The following KLHL29 variants were observed in gnomAD, a reference collection of about 807,000 sequenced individuals.
The protein encoded by KLHL29 is kelch like family member 29.
Under a neutral mutation model 80.4 loss-of-function variants are expected in KLHL29, and 21 were observed. The observed-to-expected ratio is 0.26, with a 90% CI of 0.19 to 0.38. KLHL29 has a LOEUF of 0.38. Ranked by LOEUF, KLHL29 falls within the 10% of genes least tolerant of loss-of-function variation. KLHL29 has a pLI of 1.00. For missense variants in KLHL29, 867 were observed against 1,223.9 expected (o/e 0.71, Z 4.35); for synonymous variants, 511 against 526.8 (o/e 0.97, Z 0.41).
intron 3 of KLHL29, among the ~76,000 whole-genome samples, chr2:23,576,304 C>CAAA (rs3086869): frequency 3.8e-5 from 5 of 131,500 alleles, no homozygotes; most frequent in African/African-American, 1.5e-4. Flanking sequence ...GACTCTATCT[C>CAAA]AAAAAAAAAA....
At chr2:23,432,067 A>C (rs1181200772) in intron 1 of KLHL29, among the ~76,000 whole-genome samples, 1 of 152,184 alleles carries the variant, frequency 6.6e-6, no homozygotes, top group Non-Finnish European at 1.5e-5. Flanking sequence ...CATTTCTCGA[A>C]GTTTCCTCAA....
Position 23,684,803 on chromosome 2 carries a change from C to A in KLHL29, c.1079+266C>A, listed in dbSNP as rs747114637. On this transcript the variant is annotated intron_variant, in intron 6 of 13. Transcript: ENST00000486442. The surrounding 1 kb of genome is among the most constrained non-coding windows in gnomAD (Gnocchi z 4.4). The stretch of plus-strand genomic sequence containing the variant: ...ACCAGGGGCCTCTGCCAGCAGTAGA[C>A]AACACCGTGCCCCACCCCTGAGATC... Among the ~76,000 whole-genome samples, 6 of 152,132 alleles carry A rather than the reference C, an allele frequency of 3.9e-5. 1 individual carries two copies. The highest frequency in any genetic ancestry group is 7.4e-5 in the Non-Finnish European group (5 of 67,992).
At chr2:23,426,487 T>C (rs1022955819) in intron 1 of KLHL29, among the ~76,000 whole-genome samples, 2 of 152,174 alleles carry the variant, frequency 1.3e-5, no homozygotes, top group Non-Finnish European at 2.9e-5. Flanking sequence ...TTTCTGCCCC[T>C]CGGGGTCTCC....
intron 1 of KLHL29, among the ~76,000 whole-genome samples, chr2:23,388,251 C>A (rs1161666249): frequency 6.6e-6 from 1 of 152,176 alleles, no homozygotes; most frequent in African/African-American, 2.4e-5. Context: ...GAAACAAAGA[C>A]TAGTAGAGCC....
At chr2:23,411,937 T>G (rs1195513783) in intron 1 of KLHL29, among the ~76,000 whole-genome samples, 1 of 152,198 alleles carries the variant, frequency 6.6e-6, no homozygotes, top group Admixed American at 6.5e-5. Context: ...GAATGACTTT[T>G]AGTTCCTTTG....
chr2:23,706,966 G>A lies in KLHL29; in HGVS notation c.*302G>A. On this transcript the variant is annotated 3_prime_UTR_variant, in exon 14 of 14. Coordinates refer to ENST00000486442, the MANE Select transcript of KLHL29 (RefSeq NM_052920.2). ...AGTTTCACGTATTTTTCAACTGGGA[G>A]AGAGAAGCTGTTTTTTCCTTCCTGC... 3.8e-6 allele frequency: 1 copy of A among 264,386 alleles called. No homozygotes were observed. The highest frequency in any genetic ancestry group is 1.1e-4 in the South Asian group (1 of 9,044). The allele number at this position is 264,386 out of a possible 1,614,324, so 16.4% of individuals were successfully genotyped here. A position where few individuals can be genotyped will look rare whatever the true frequency, so the allele number is the denominator to read the frequency against.
rs563768479 is a variant in KLHL29, at chr2:23,445,161, C to T, written c.-153-30399C>T. Among the ~76,000 whole-genome samples, 102 of 152,248 alleles carry T rather than the reference C, an allele frequency of 6.7e-4. 1 individual carries two copies. The highest frequency in any genetic ancestry group is 2.2e-3 in the African/African-American group (91 of 41,542). On this transcript the variant is annotated intron_variant, in intron 1 of 13. Transcript: ENST00000486442. Reference sequence around the variant, plus strand: ...CCTTAACAAGGGCATTAAGTGAAGACTTTATATATGTGGTTTAAAAGTCAA... The same window carrying T: ...CCTTAACAAGGGCATTAAGTGAAGATTTTATATATGTGGTTTAAAAGTCAA...
chr2:23,419,017 A>G (rs1322790874), intron 1 of KLHL29, among the ~76,000 whole-genome samples: 1 of 152,148 alleles, frequency 6.6e-6, no homozygotes, highest in Admixed American at 6.5e-5. Flanking sequence ...AGGATTCATT[A>G]CTGCCTCCAA....
In KLHL29 at chr2:23,545,111, G is replaced by A. The variant is rs541624798; in HGVS notation, c.-45-17041G>A. 1.3e-4 allele frequency among the ~76,000 whole-genome samples: 20 copies of A among 152,236 alleles called. No homozygotes were observed. In the South Asian group the frequency reaches 3.7e-3, roughly 28 times the overall value. ...GACAGAGGCCCAGGCCAGGGTGGACGTGGGAAGAAGTGGTTGGTGTTAGGA... is the reference window on the plus strand; with the variant it reads ...GACAGAGGCCCAGGCCAGGGTGGACATGGGAAGAAGTGGTTGGTGTTAGGA... On this transcript the variant is annotated intron_variant, in intron 2 of 13. Coordinates refer to ENST00000486442, the MANE Select transcript of KLHL29 (RefSeq NM_052920.2).
intron 5 of KLHL29, among the ~76,000 whole-genome samples, chr2:23,675,593 C>T (rs1390262638): frequency 1.3e-5 from 2 of 152,202 alleles, no homozygotes; most frequent in Non-Finnish European, 2.9e-5. Flanking sequence ...CTCAAGGGCT[C>T]CAGGCTGCAC....
At chr2:23,702,571 C>T (rs1384446495) in intron 11 of KLHL29, among the ~76,000 whole-genome samples, 1 of 152,202 alleles carries the variant, frequency 6.6e-6, no homozygotes, top group African/African-American at 2.4e-5. Flanking sequence ...TCCCATCCAC[C>T]TAGCTAGTAG....
chr2:23,665,651 A>AG (rs1670533948), intron 5 of KLHL29, among the ~76,000 whole-genome samples: 1 of 152,196 alleles, frequency 6.6e-6, no homozygotes, highest in East Asian at 1.9e-4. Context: ...GCTTCTTTGG[A>AG]GGCCTCAGGC....
intron 2 of KLHL29, among the ~76,000 whole-genome samples, chr2:23,528,307 G>T (rs903692263): frequency 1.3e-5 from 2 of 152,160 alleles, no homozygotes; most frequent in African/African-American, 2.4e-5. Flanking sequence ...GCCCTGGGCC[G>T]GTTTGGGGCT....
At chr2:23,558,208 C>T (rs1029588763) in intron 2 of KLHL29, among the ~76,000 whole-genome samples, 1 of 152,138 alleles carries the variant, frequency 6.6e-6, no homozygotes, top group African/African-American at 2.4e-5. Flanking sequence ...ACATAACATC[C>T]TCTCTGCCAC....
chr2:23,661,903 G>A (rs1186641355), intron 5 of KLHL29, among the ~76,000 whole-genome samples: 3 of 152,236 alleles, frequency 2.0e-5, no homozygotes, highest in South Asian at 2.1e-4. Context: ...TGGGCAGGTC[G>A]CCAGGTATCC....
At chr2:23,403,777 G>C (rs1168407912) in intron 1 of KLHL29, among the ~76,000 whole-genome samples, 1 of 150,862 alleles carries the variant, frequency 6.6e-6, no homozygotes, top group Non-Finnish European at 1.5e-5. Context: ...AGGCGCAAAA[G>C]ACAGGGAAGA....
chr2:23,446,355 C>G (rs1436322515), intron 1 of KLHL29, among the ~76,000 whole-genome samples: 3 of 152,186 alleles, frequency 2.0e-5, no homozygotes, highest in Non-Finnish European at 2.9e-5. Context: ...CTCTTCTCTT[C>G]CATTGATCTG....
At chr2:23,606,901 C>T (rs1466685016) in intron 3 of KLHL29, among the ~76,000 whole-genome samples, 1 of 152,084 alleles carries the variant, frequency 6.6e-6, no homozygotes, top group East Asian at 1.9e-4. Flanking sequence ...TTCTCACAGT[C>T]CTGGAAGATG....
chr2:23,401,662 C>T lies in KLHL29; in HGVS notation c.-154+15882C>T, dbSNP rs527499238. Among the ~76,000 whole-genome samples, 8 of 152,292 alleles carry T rather than the reference C, an allele frequency of 5.3e-5. No homozygotes were observed. The East Asian group carries it at 1.4e-3, about 26-fold the overall frequency. ...CACAGGAGACCTGGGACAGAGGAAG[C>T]GATCTGCTCCTGCCTGAAGTAGTGG... On this transcript the variant is annotated intron_variant, in intron 1 of 13. Coordinates refer to ENST00000486442, the MANE Select transcript of KLHL29 (RefSeq NM_052920.2).
Sources: allele counts gnomAD v4.1 joint callset (sites outside exome capture counted in the v4.1 genomes callset), GRCh38; gene constraint gnomAD v4.1.1; non-coding constraint Gnocchi (gnomAD v3.1); transcripts MANE v1.5; gene names NCBI Gene and HGNC (gene_info 2026-07-23, HGNC 2026-07-21).